The following TNS1 variants were observed in gnomAD, a reference collection of about 807,000 sequenced individuals.
TNS1 encodes the protein tensin 1, also known as tensin-1.
TNS1 carries 62 observed loss-of-function variants against 168.6 expected under a neutral mutation model. The ratio of observed to expected loss-of-function variants is 0.37; its 90% CI spans 0.30 to 0.45. TNS1 has a LOEUF of 0.45. Ranked by LOEUF, TNS1 falls within the 20% of genes least tolerant of loss-of-function variation. The pLI, the probability that TNS1 is intolerant of heterozygous loss-of-function variation, is 1.00. For synonymous variants in TNS1, 934 were observed against 933.2 expected (o/e 1.00, Z -0.02); for missense variants, 2,240 against 2,339.4 (o/e 0.96, Z 0.88).
chr2:217,817,613 G>T, intron 24 of TNS1, 77 bp downstream of exon 24: 1 of 1,276,152 alleles, frequency 7.8e-7, no homozygotes, highest in Non-Finnish European at 1.1e-6. Context: ...TGTCAGAATA[G>T]ACACTGGGAT....
intron 3 of TNS1, among the ~76,000 whole-genome samples, chr2:217,975,484 G>C (rs142852666): frequency 3.0e-4 from 45 of 152,188 alleles, no homozygotes; most frequent in African/African-American, 1.0e-3. Context: ...GGCGTGTGAA[G>C]GCATTAGGAA....
At position 217,823,388 on chromosome 2, in the gene TNS1, G is replaced by A. The variant is rs575819599; in HGVS notation, c.3374-1450C>T. Among the ~76,000 whole-genome samples, 51 of 152,194 alleles carry A rather than the reference G, an allele frequency of 3.4e-4. 1 individual carries two copies. Among genetic ancestry groups the A allele is most frequent in the Non-Finnish European group, 6.2e-4 (42 of 68,026 alleles). On this transcript the variant is annotated intron_variant, in intron 22 of 32. Coordinates refer to ENST00000682258, the MANE Select transcript of TNS1 (RefSeq NM_001387777.1). ...AGGTCCCTCATGGGTGACAGGCCTGGGGTCCAGCTAGCTGAAATGCAACCT... is the reference window on the plus strand; with the variant it reads ...AGGTCCCTCATGGGTGACAGGCCTGAGGTCCAGCTAGCTGAAATGCAACCT...
At chr2:217,828,018 C>T (rs1038086101) in intron 22 of TNS1, among the ~76,000 whole-genome samples, 2 of 152,226 alleles carry the variant, frequency 1.3e-5, no homozygotes, top group Non-Finnish European at 2.9e-5. Context: ...GAGCCTATTG[C>T]GTGGTCCGGC....
At chr2:217,969,995 C>A (rs995676408) in intron 3 of TNS1, among the ~76,000 whole-genome samples, 3 of 151,420 alleles carry the variant, frequency 2.0e-5, no homozygotes, top group Non-Finnish European at 4.4e-5. Context: ...TATGACAGTT[C>A]CTGATAAAAA....
At position 217,895,503 on chromosome 2, in the gene TNS1, G is replaced by A. The variant is rs554919311; in HGVS notation, c.544-447C>T. On this transcript the variant is annotated intron_variant, in intron 8 of 32. Transcript: ENST00000682258. Reference sequence around the variant, plus strand: ...AGTTCCGCTTGCCTCTCACCACACCGAACGGGAATCCAGCTGTGTGAGATG... The same window carrying A: ...AGTTCCGCTTGCCTCTCACCACACCAAACGGGAATCCAGCTGTGTGAGATG... Among the ~76,000 whole-genome samples the A allele has an allele frequency of 4.4e-4, 67 of 152,296 alleles. 1 individual carries two copies. The South Asian group carries it at 4.8e-3, about 11-fold the overall frequency.
chr2:217,938,111 GA>G (rs1956718451), intron 3 of TNS1, among the ~76,000 whole-genome samples: 2 of 152,150 alleles, frequency 1.3e-5, no homozygotes, highest in African/African-American at 4.8e-5. Flanking sequence ...CTGAGCTCAG[GA>G]ACACTCCCCA....
intron 4 of TNS1, among the ~76,000 whole-genome samples, chr2:217,915,918 G>A (rs952554677): frequency 6.6e-6 from 1 of 152,182 alleles, no homozygotes; most frequent in African/African-American, 2.4e-5. Context: ...AAAACGGCAA[G>A]TGCTATGCAA....
At chr2:217,855,864 A>T (rs1266121568) in intron 18 of TNS1, among the ~76,000 whole-genome samples, 2 of 152,200 alleles carry the variant, frequency 1.3e-5, no homozygotes, top group Non-Finnish European at 2.9e-5. Flanking sequence ...GAGTCAGTGC[A>T]GCCGAAACAT....
At chr2:217,917,452 C>T (rs917025360) in intron 4 of TNS1, among the ~76,000 whole-genome samples, 5 of 151,990 alleles carry the variant, frequency 3.3e-5, no homozygotes, top group African/African-American at 4.8e-5. Flanking sequence ...CATAGTGTAT[C>T]GGGGCGATGC....
intron 3 of TNS1, among the ~76,000 whole-genome samples, chr2:217,968,120 A>C (rs140107649): frequency 2.0e-4 from 30 of 152,352 alleles, no homozygotes; most frequent in African/African-American, 7.2e-4. Flanking sequence ...ACATTCAACA[A>C]ACTAGGAATA....
At chr2:217,923,481 T>A (rs1487305359) in intron 3 of TNS1, among the ~76,000 whole-genome samples, 2 of 152,148 alleles carry the variant, frequency 1.3e-5, no homozygotes, top group East Asian at 3.9e-4. Context: ...CCCCATTTTG[T>A]GGATGAGAAG....
chr2:217,914,764 G>A (rs372839864), intron 4 of TNS1, among the ~76,000 whole-genome samples: 16 of 152,312 alleles, frequency 1.1e-4, no homozygotes, highest in Non-Finnish European at 1.3e-4. Context: ...GATTATAGGC[G>A]TGAGCCACCG....
chr2:217,936,163 C>A (rs1956596354), intron 3 of TNS1, among the ~76,000 whole-genome samples: 2 of 152,224 alleles, frequency 1.3e-5, no homozygotes, highest in Non-Finnish European at 2.9e-5. Flanking sequence ...CAATCAGGCT[C>A]CTCCACCCTG....
intron 14 of TNS1, 72 bp from the exon 15 acceptor site, chr2:217,885,891 G>A (rs1435973102): frequency 1.3e-6 from 2 of 1,557,014 alleles, no homozygotes; most frequent in African/African-American, 1.4e-5. Context: ...TTTTCTCCCT[G>A]CTGCCCCTAC....
chr2:217,884,362 G>A (rs1030596392), intron 16 of TNS1, among the ~76,000 whole-genome samples: 4 of 152,170 alleles, frequency 2.6e-5, no homozygotes, highest in African/African-American at 4.8e-5. Context: ...AGGATGGATT[G>A]GTGGATGGAG....
intron 32 of TNS1, among the ~76,000 whole-genome samples, chr2:217,805,911 T>C (rs867526986): frequency 9.5e-4 from 81 of 85,314 alleles, no homozygotes; most frequent in Admixed American, 4.0e-3. Flanking sequence ...CACACACACA[T>C]AATCCAGCAT....
intron 7 of TNS1, among the ~76,000 whole-genome samples, chr2:217,900,124 C>T (rs1013132622): frequency 6.6e-6 from 1 of 152,216 alleles, no homozygotes; most frequent in African/African-American, 2.4e-5. Flanking sequence ...AGTGCTGCCT[C>T]TTGGTGGCTG....
At chr2:217,834,052 A>G (rs978412346) in intron 21 of TNS1, among the ~76,000 whole-genome samples, 1 of 152,232 alleles carries the variant, frequency 6.6e-6, no homozygotes, top group Non-Finnish European at 1.5e-5. Flanking sequence ...GAGAATTTTA[A>G]ATTATAAATG....
intron 18 of TNS1, among the ~76,000 whole-genome samples, chr2:217,872,737 A>G (rs2125600859): frequency 6.6e-6 from 1 of 152,348 alleles, no homozygotes; most frequent in East Asian, 1.9e-4. Flanking sequence ...ACTTGCACAT[A>G]CATGTTGACA....
Sources: gnomAD v4.1 joint callset for allele counts (sites outside exome capture counted in the v4.1 genomes callset) on GRCh38, gnomAD v4.1.1 for gene constraint, MANE v1.5 for transcripts, NCBI Gene and HGNC (gene_info 2026-07-23, HGNC 2026-07-21) for gene names.